USH1C: variants seen among roughly 807,000 people sequenced by gnomAD.
The protein encoded by USH1C is harmonin.
In USH1C, 90 loss-of-function variants were observed where a neutral mutation model predicts 119.3. That is an observed-to-expected ratio of 0.75 (90% CI 0.64 to 0.90). The LOEUF (loss-of-function observed/expected upper bound fraction) is 0.90, where lower values mean the gene tolerates loss of function less well. USH1C is among the 40% of genes least tolerant of loss of function. USH1C has a pLI of 0.00. For synonymous variants in USH1C, 465 were observed against 443.3 expected (o/e 1.05, Z -0.62); for missense variants, 1,165 against 1,167.7 (o/e 1.00, Z 0.03).
chr11:17,502,038 C>T (rs1168063305), intron 20 of USH1C, 58 bp from the exon 21 acceptor site: 9 of 1,571,508 alleles, frequency 5.7e-6, no homozygotes, highest in East Asian at 2.2e-5. Context: ...GGGTCAGAGC[C>T]GAGGAGTAGG....
At chr11:17,524,946 T>C (rs571505694) in intron 8 of USH1C, among the ~76,000 whole-genome samples, 17 of 152,220 alleles carry the variant, frequency 1.1e-4, no homozygotes, top group African/African-American at 4.1e-4. Flanking sequence ...ACTCCTGGGA[T>C]CAAGCAATCT....
At chr11:17,519,475 C>A (rs11024317) in intron 14 of USH1C, among the ~76,000 whole-genome samples, 1 of 152,074 alleles carries the variant, frequency 6.6e-6, no homozygotes, top group African/African-American at 2.4e-5. Context: ...TTTTCTATTG[C>A]TCCTGAGAGG....
chr11:17,495,756 C>T, intron 25 of USH1C, 79 bp from the exon 26 acceptor site: 1 of 1,470,550 alleles, frequency 6.8e-7, no homozygotes. Context: ...CTTCTCCTTT[C>T]ACTGGGCTCC....
At chr11:17,527,366 G>T in intron 4 of USH1C, 35 bp from the exon 5 acceptor site, 1 of 1,545,382 alleles carries the variant, frequency 6.5e-7, no homozygotes, top group Non-Finnish European at 8.9e-7. Flanking sequence ...GCACCAGGTG[G>T]AGGGAGCATC....
rs749637571 is a variant in USH1C at position 17,509,609 on chromosome 11, T to C, written c.1760A>G (p.His587Arg). The C allele has an allele frequency of 1.4e-5, 21 of 1,481,994 alleles. No individual in the cohort carries two copies. Among genetic ancestry groups the C allele is most frequent in the Non-Finnish European group, 1.7e-5 (19 of 1,117,242 alleles). 91.8% of individuals were successfully genotyped at this position (1,481,994 alleles called of 1,614,324 possible). ...CCATGGAGAGGATGAGGCGCTCACA[T>C]GGCCAGATAAGGGAAGGACAGGGGG... The part of the protein sequence containing the change: ...PAPPVLPLSG[H>R]VSASSSPWVQ... Residue 587 changes from histidine to arginine, a missense_variant, in exon 18 of 27, where the codon CAT (histidine) becomes CGT (arginine). Transcript: ENST00000005226.
chr11:17,519,734 G>A (rs1850330919), intron 14 of USH1C, among the ~76,000 whole-genome samples: 1 of 152,224 alleles, frequency 6.6e-6, no homozygotes, highest in African/African-American at 2.4e-5. Context: ...AGAGGACCAG[G>A]AGATGACACT....
At position 17,544,299 on chromosome 11, in the gene USH1C, T is replaced by C; in HGVS notation, c.9A>G (p.Arg3=). The change falls in exon 1 of 27, where the codon CGA becomes CGG. Residue 3 remains arginine (R), a synonymous_variant. Transcript: ENST00000005226. MD[R]KVAREFRHKV... The stretch of plus-strand genomic sequence containing the variant: ...TATGCCGGAATTCTCGGGCCACTTT[T>C]CGGTCCATGGCTGGGCCAGGTCCAG... The C allele has an allele frequency of 6.2e-7, 1 of 1,614,052 alleles. No homozygotes were observed. The highest frequency in any genetic ancestry group is 8.5e-7 in the Non-Finnish European group (1 of 1,179,970).
At chr11:17,498,094 T>G (rs1591955909) in intron 24 of USH1C, 68 bp downstream of exon 24, 1 of 1,462,128 alleles carries the variant, frequency 6.8e-7, no homozygotes, top group Non-Finnish European at 9.6e-7. Context: ...TTGTGAGACC[T>G]GGCTGCAGAG....
intron 1 of USH1C, among the ~76,000 whole-genome samples, chr11:17,536,987 G>C (rs889044685): frequency 6.6e-6 from 1 of 152,180 alleles, no homozygotes; most frequent in African/African-American, 2.4e-5. Context: ...ATCTCAGAAA[G>C]ACTCAGAAAG....
At chr11:17,533,099 T>C (rs970790674) in intron 2 of USH1C, among the ~76,000 whole-genome samples, 156 bp downstream of exon 2, 4 of 152,056 alleles carry the variant, frequency 2.6e-5, no homozygotes, top group African/African-American at 7.2e-5. Flanking sequence ...CTTGTGTAAA[T>C]AGTTGCTGAA....
Position 17,525,788 on chromosome 11 carries a change from A to C in USH1C, c.674+559T>G, listed in dbSNP as rs139483847. Among the ~76,000 whole-genome samples, 8 of 152,322 alleles carry C rather than the reference A, an allele frequency of 5.3e-5. No individual in the cohort carries two copies. The East Asian group carries it at 1.5e-3, about 29-fold the overall frequency. On this transcript the variant is annotated intron_variant, in intron 8 of 26. Transcript: ENST00000005226. ...GCAGTGACTCAAGGGCCCACAAGGT[A>C]ACACTGTTCTGCCTCTGGGCCTCAA...
intron 23 of USH1C, among the ~76,000 whole-genome samples, chr11:17,499,392 G>A (rs1205400416): frequency 6.6e-6 from 1 of 152,224 alleles, no homozygotes; most frequent in South Asian, 2.1e-4. Flanking sequence ...GAAAGCAGTT[G>A]CCTCTGTGCA....
chr11:17,524,890 C>T (rs1490571381), intron 8 of USH1C, among the ~76,000 whole-genome samples: 4 of 152,010 alleles, frequency 2.6e-5, no homozygotes, highest in Non-Finnish European at 5.9e-5. Context: ...GCTCTGTCAC[C>T]CAGGTTGGAG....
intron 15 of USH1C, chr11:17,514,644 G>A (rs866974528): frequency 1.3e-5 from 2 of 152,154 alleles, no homozygotes; most frequent in South Asian, 2.1e-4. Context: ...AAATGATGAC[G>A]GGTTTTCAGA....
intron 14 of USH1C, chr11:17,517,301 A>G (rs1850194617): frequency 2.4e-6 from 3 of 1,253,646 alleles, no homozygotes; most frequent in Non-Finnish European, 2.3e-6. Context: ...GCCCCCACAC[A>G]TGCTGGGCCC....
rs768643047 is a variant in USH1C, at chr11:17,509,824, G to A, written c.1545C>T (p.Pro515=). ...GAGACACAGAAGGCGGGGGAGGCGGGGGCCCTGTGGTCATCTGGGGGTGTT... is the reference window on the plus strand; with the variant it reads ...GAGACACAGAAGGCGGGGGAGGCGGAGGCCCTGTGGTCATCTGGGGGTGTT... ...DNEISEMTTG[P]PPPPPSVSPL... is the part of the protein sequence containing the mutation. Residue 515 remains proline, a synonymous_variant, in exon 18 of 27, where the codon CCC becomes CCT. Coordinates refer to ENST00000005226, the MANE Select transcript of USH1C (RefSeq NM_153676.4). 1.3e-6 allele frequency: 2 copies of A among 1,595,832 alleles called. No homozygotes were observed. The highest frequency in any genetic ancestry group is 1.3e-5 in the African/African-American group (1 of 74,830).
intron 12 of USH1C, among the ~76,000 whole-genome samples, chr11:17,522,467 C>A (rs918822070): frequency 1.3e-5 from 2 of 152,208 alleles, no homozygotes; most frequent in Non-Finnish European, 2.9e-5. Flanking sequence ...CAACACCAGC[C>A]TTATGGAGGT....
chr11:17,496,411 C>T (rs1335564555), intron 25 of USH1C, among the ~76,000 whole-genome samples: 1 of 152,176 alleles, frequency 6.6e-6, no homozygotes, highest in Non-Finnish European at 1.5e-5. Flanking sequence ...ACACAGACAC[C>T]TTCTAACCAT....
intron 18 of USH1C, among the ~76,000 whole-genome samples, chr11:17,507,856 G>A (rs11024314): frequency 9.1e-4 from 138 of 152,288 alleles, no homozygotes; most frequent in African/African-American, 3.2e-3. Flanking sequence ...GGCTCAGCTC[G>A]TAAGCCCTCT....
Sources: allele counts gnomAD v4.1 joint callset (sites outside exome capture counted in the v4.1 genomes callset), GRCh38; gene constraint gnomAD v4.1.1; transcripts MANE v1.5; gene names NCBI Gene and HGNC (gene_info 2026-07-23, HGNC 2026-07-21).